Variants in ST6GALNAC1 observed in about 807,000 individuals in gnomAD.
The protein encoded by ST6GALNAC1 is ST6 N-acetylgalactosaminide alpha-2,6-sialyltransferase 1.
Under a neutral mutation model 56.8 loss-of-function variants are expected in ST6GALNAC1, and 45 were observed. The ratio of observed to expected loss-of-function variants is 0.79; its 90% CI spans 0.62 to 1.02. The LOEUF (loss-of-function observed/expected upper bound fraction) is 1.02. Among genes scored for constraint, ST6GALNAC1 ranks in the 50% least tolerant of loss-of-function variants. The probability of loss-of-function intolerance (pLI) is 0.00; values close to 1 mark genes in which losing one functional copy is unlikely to be tolerated. For synonymous variants in ST6GALNAC1, 295 were observed against 297.8 expected, an observed-to-expected ratio of 0.99 and a Z score of 0.10; for missense variants, 743 against 754.8, an observed-to-expected ratio of 0.98 and a Z score of 0.18.
At chr17:76,622,103 T>C (rs985383414), downstream of ST6GALNAC1, among the ~76,000 whole-genome samples, 5 of 151,430 alleles carry the variant, frequency 3.3e-5, no homozygotes, top group African/African-American at 1.2e-4. Context: ...CTGGCCTGCA[T>C]TTCTCACTAT....
chr17:76,632,725 C>T (rs183860979), intron 1 of ST6GALNAC1, among the ~76,000 whole-genome samples: 1 of 152,222 alleles, frequency 6.6e-6, no homozygotes, highest in East Asian at 1.9e-4. Context: ...ATATTCAACG[C>T]GTTCGGCCCT....
In ST6GALNAC1 at chr17:76,629,365, C is replaced by T; in HGVS notation, c.478G>A (p.Asp160Asn). The T allele has an allele frequency of 6.2e-7, 1 of 1,614,162 alleles. No homozygotes were observed. The highest frequency in any genetic ancestry group is 8.5e-7 in the Non-Finnish European group (1 of 1,180,028). ...CCATTTCCTTGGGTCGTCTTTGTGT[C>T]CTGGCTCTTCCATGATTGTGCCTCT... ...RTEAQSWKSQ[D>N]TKTTQGNGGQ... is the part of the protein sequence containing the mutation. Residue 160 changes from aspartate (D) to asparagine (N), a missense_variant, in exon 2 of 9, where the codon GAC becomes AAC. Asp to Asn is a conservative substitution (Grantham distance 23). Coordinates refer to ENST00000156626, the MANE Select transcript of ST6GALNAC1 (RefSeq NM_018414.5).
At chr17:76,637,528 A>G (rs1438560121) in intron 1 of ST6GALNAC1, 1 of 394,202 alleles carries the variant, frequency 2.5e-6, no homozygotes, top group Non-Finnish European at 4.5e-6. Context: ...ATGCAATCAT[A>G]CAATTATGTA....
chr17:76,626,964 A>G lies in ST6GALNAC1; in HGVS notation c.1172+103T>C, dbSNP rs367680345. 1.0e-5 allele frequency: 15 copies of G among 1,442,360 alleles called. No homozygotes were observed. The East Asian group carries it at 1.7e-4, about 16-fold the overall frequency. The allele number at this position is 1,442,360 out of a possible 1,614,324, so 89.3% of individuals were successfully genotyped here. On this transcript the variant is annotated intron_variant, in intron 4 of 8. Coordinates refer to ENST00000156626, the MANE Select transcript of ST6GALNAC1 (RefSeq NM_018414.5). ...GCGTGGAACATCCTATGGGTCTCTCAGAAGAGTCCATGTCTGCAGAAGAGG... is the reference window on the plus strand; with the variant it reads ...GCGTGGAACATCCTATGGGTCTCTCGGAAGAGTCCATGTCTGCAGAAGAGG...
At chr17:76,631,235 C>T (rs945917427) in intron 1 of ST6GALNAC1, among the ~76,000 whole-genome samples, 6 of 152,180 alleles carry the variant, frequency 3.9e-5, no homozygotes, top group Admixed American at 6.5e-5. Flanking sequence ...TGAGCCACCG[C>T]GTCTGGCCTA....
intron 1 of ST6GALNAC1, among the ~76,000 whole-genome samples, chr17:76,640,198 G>T (rs1046134807): frequency 6.6e-6 from 1 of 152,020 alleles, no homozygotes; most frequent in Non-Finnish European, 1.5e-5. Context: ...GCAGTTGAGG[G>T]TTCTGGTCTC....
chr17:76,633,204 A>G (rs994267368), intron 1 of ST6GALNAC1, among the ~76,000 whole-genome samples: 6 of 151,560 alleles, frequency 4.0e-5, no homozygotes, highest in African/African-American at 1.2e-4. Context: ...GCAAGACTCC[A>G]TCTCAATTAA....
the ST6GALNAC1 span, among the ~76,000 whole-genome samples, chr17:76,617,722 G>A: frequency 6.7e-6 from 1 of 150,074 alleles, no homozygotes; most frequent in Non-Finnish European, 1.5e-5. Context: ...AGTGAGCTGC[G>A]ATCACGCCAC....
In ST6GALNAC1 at chr17:76,629,103, C is replaced by T. The variant is rs376661562; in HGVS notation, c.740G>A (p.Arg247Lys). Residue 247 changes from arginine to lysine, a missense_variant, in exon 2 of 9, where the codon AGA becomes AAA. Transcript: ENST00000156626. ...GTTGGCGGCCTTCAGTCTTTGGTTT[C>T]TCTGCGTCGTGGGGCTCTGGAAAGG... ...PAPFQSPTTQRNQRLKAANFK... is the reference protein window; with the variant it reads ...PAPFQSPTTQKNQRLKAANFK... 1 of 1,600,244 alleles carries T rather than the reference C, an allele frequency of 6.2e-7. No homozygotes were observed. Among genetic ancestry groups the T allele is most frequent in the Non-Finnish European group, 8.5e-7 (1 of 1,172,208 alleles).
chr17:76,642,162 A>G (rs1307033904), intron 1 of ST6GALNAC1, among the ~76,000 whole-genome samples: 1 of 151,654 alleles, frequency 6.6e-6, no homozygotes, highest in Non-Finnish European at 1.5e-5. Flanking sequence ...CCATCTATCT[A>G]TCCATCTATC....
At chr17:76,621,943 C>CTTTTTTT (rs71158041), downstream of ST6GALNAC1, among the ~76,000 whole-genome samples, 40 of 137,852 alleles carry the variant, frequency 2.9e-4, no homozygotes, top group Non-Finnish European at 4.7e-4. Context: ...TCTTTCTTTT[C>CTTTTTTT]TTTTTTTTTT....
downstream of ST6GALNAC1, among the ~76,000 whole-genome samples, chr17:76,622,445 A>G (rs151307488): frequency 4.8e-3 from 725 of 152,086 alleles, 10 homozygotes; most frequent in African/African-American, 0.017. Flanking sequence ...GCTCACTGCA[A>G]CCTCGGCTTC....
chr17:76,622,752 A>G (rs115502574), downstream of ST6GALNAC1, among the ~76,000 whole-genome samples: 717 of 150,574 alleles, frequency 4.8e-3, 9 homozygotes, highest in African/African-American at 0.017. Flanking sequence ...CTTACGTTCT[A>G]GTCAAAGAGC....
rs1021687684 is a variant in ST6GALNAC1 at position 76,626,103 on chromosome 17, T to G, written c.1416-8A>C. The G allele has an allele frequency of 6.2e-7, 1 of 1,613,812 alleles. No individual in the cohort carries two copies. The highest frequency in any genetic ancestry group is 1.3e-5 in the African/African-American group (1 of 74,892). On this transcript the variant is annotated splice_region_variant and splice_polypyrimidine_tract_variant and intron_variant, in intron 6 of 8. Transcript: ENST00000156626. ...GCTTCCTGGGGTCTGTGCCTGTGGT[T>G]AGGAAGGGGTCATTCAGACTCAGCT...
At chr17:76,623,388 G>GA (rs1437475292), downstream of ST6GALNAC1, among the ~76,000 whole-genome samples, 2 of 152,256 alleles carry the variant, frequency 1.3e-5, no homozygotes, top group East Asian at 3.9e-4. Flanking sequence ...TTAGGCTCTA[G>GA]AAAAAATGTT....
downstream of ST6GALNAC1, among the ~76,000 whole-genome samples, chr17:76,620,228 CG>C (rs1478298398): frequency 2.0e-5 from 3 of 150,574 alleles, no homozygotes; most frequent in Non-Finnish European, 4.4e-5. Context: ...TTAGTGGAGA[CG>C]GGGTTTCTTT....
At position 76,629,068 on chromosome 17, in the gene ST6GALNAC1, C is replaced by T. The variant is rs775960622; in HGVS notation, c.775G>A (p.Glu259Lys). The T allele has an allele frequency of 1.3e-6, 2 of 1,565,286 alleles. No individual in the cohort carries two copies. The highest frequency in any genetic ancestry group is 2.3e-5 in the East Asian group (1 of 44,282). The change falls in exon 2 of 9, where the codon GAG (glutamate) becomes AAG (lysine). Residue 259 changes from glutamate (E) to lysine (K), a missense_variant. By Grantham distance (56) the Glu-to-Lys change is moderately conservative. Transcript: ENST00000156626. ...QRLKAANFKS[E>K]PRWDFEEKYS... ...TTTTCCTCAAAATCCCACCGAGGCT[C>T]AGATTTGAAGTTGGCGGCCTTCAGT... is the stretch of plus-strand genomic sequence containing the variant.
chr17:76,631,386 G>T (rs2075897411), intron 1 of ST6GALNAC1, among the ~76,000 whole-genome samples: 1 of 152,166 alleles, frequency 6.6e-6, no homozygotes. Flanking sequence ...GAGATATGGA[G>T]CATCCCGAAA....
downstream of ST6GALNAC1, among the ~76,000 whole-genome samples, chr17:76,623,538 TA>T (rs1429799148): frequency 3.9e-5 from 6 of 152,216 alleles, no homozygotes; most frequent in Non-Finnish European, 8.8e-5. Flanking sequence ...TCAGGAGTGT[TA>T]ATGTTTTCCT....
Sources: allele counts gnomAD v4.1 joint callset (sites outside exome capture counted in the v4.1 genomes callset), GRCh38; gene constraint gnomAD v4.1.1; transcripts MANE v1.5; gene names NCBI Gene and HGNC (gene_info 2026-07-23, HGNC 2026-07-21).